Variants in HMGCLL1 observed in about 807,000 individuals in gnomAD.
HMGCLL1 encodes the protein 3-hydroxymethyl-3-methylglutaryl-CoA lyase, cytoplasmic.
Under a neutral mutation model 39.1 loss-of-function variants are expected in HMGCLL1, and 36 were observed. That is an observed-to-expected ratio of 0.92 (90% confidence interval 0.71 to 1.22). The LOEUF is 1.22. Among genes scored for constraint, HMGCLL1 ranks in the 50% most tolerant of loss-of-function variants. The pLI is 0.00. For synonymous variants in HMGCLL1, 149 were observed against 144.0 expected (o/e 1.03, Z -0.25); for missense variants, 451 against 416.5 (o/e 1.08, Z -0.72).
At chr6:55,499,539 T>C (rs770020185) in intron 5 of HMGCLL1, among the ~76,000 whole-genome samples, 8 of 152,038 alleles carry the variant, frequency 5.3e-5, no homozygotes, top group Non-Finnish European at 1.0e-4. Context: ...TGGGGATAAA[T>C]AGTAAGTGAT....
the HMGCLL1 span, among the ~76,000 whole-genome samples, chr6:55,617,517 G>A: frequency 2.6e-5 from 4 of 152,096 alleles, no homozygotes; most frequent in Non-Finnish European, 2.9e-5. Context: ...GTTGTGAGGA[G>A]AGGGCATACA....
At chr6:55,656,557 G>T in the HMGCLL1 span, among the ~76,000 whole-genome samples, 1 of 151,820 alleles carries the variant, frequency 6.6e-6, no homozygotes, top group Non-Finnish European at 1.5e-5. Context: ...CCATCTGCCA[G>T]CCAGATCCAG....
In HMGCLL1 at chr6:55,543,277, T is replaced by G. The variant is rs1342109853; in HGVS notation, c.109-1137A>C. Reference sequence around the variant, plus strand: ...AATATATAATATAATATATCTATATTATATATAATATATTATATATCATAT... The same window carrying G: ...AATATATAATATAATATATCTATATGATATATAATATATTATATATCATAT... On this transcript the variant is annotated intron_variant, in intron 1 of 8. Coordinates refer to ENST00000274901, the MANE Select transcript of HMGCLL1 (RefSeq NM_001042406.2). Among the ~76,000 whole-genome samples the G allele has an allele frequency of 2.7e-4, 5 of 18,196 alleles. 1 individual carries two copies. The highest frequency in any genetic ancestry group is 5.2e-4 in the African/African-American group (3 of 5,792). The allele number at this position is 18,196 out of a possible 152,430, so 11.9% of individuals were successfully genotyped here. A position where few individuals can be genotyped will look rare whatever the true frequency, so the allele number is the denominator to read the frequency against.
chr6:55,577,976 A>G (rs906258172), intron 1 of HMGCLL1, among the ~76,000 whole-genome samples: 2 of 152,314 alleles, frequency 1.3e-5, no homozygotes, highest in Admixed American at 6.5e-5. Context: ...TAAGATTGCA[A>G]TTTCACATAT....
At chr6:55,473,658 GATT>G (rs1765147685) in intron 7 of HMGCLL1, among the ~76,000 whole-genome samples, 1 of 151,228 alleles carries the variant, frequency 6.6e-6, no homozygotes, top group African/African-American at 2.4e-5. Flanking sequence ...TAAAATAAAA[GATT>G]ATATTTTATT....
At chr6:55,654,141 G>C in the HMGCLL1 span, among the ~76,000 whole-genome samples, 3 of 151,814 alleles carry the variant, frequency 2.0e-5, no homozygotes, top group Non-Finnish European at 4.4e-5. Context: ...ACCTTTCAGC[G>C]AAAGCCTACC....
chr6:55,439,306 G>A (rs1271238496), intron 8 of HMGCLL1, 128 bp downstream of exon 8: 2 of 854,842 alleles, frequency 2.3e-6, no homozygotes, highest in East Asian at 5.2e-5. Context: ...TTTTCCCACT[G>A]TGCATTTTAG....
At chr6:55,650,132 TATAC>T in the HMGCLL1 span, among the ~76,000 whole-genome samples, 91 of 50,790 alleles carry the variant, frequency 1.8e-3, no homozygotes, top group East Asian at 4.0e-3. Flanking sequence ...TATATATATA[TATAC>T]ACACACACAC....
At chr6:55,642,941 T>G in the HMGCLL1 span, among the ~76,000 whole-genome samples, 796 of 152,212 alleles carry the variant, frequency 5.2e-3, 8 homozygotes, top group African/African-American at 0.018. Context: ...GGCCTCCAGC[T>G]CCATCCACGT....
At chr6:55,677,901 G>A in the HMGCLL1 span, among the ~76,000 whole-genome samples, 1 of 152,256 alleles carries the variant, frequency 6.6e-6, no homozygotes, top group Admixed American at 6.5e-5. Context: ...CTGCCTCAAT[G>A]TCTATCTGTA....
chr6:55,641,106 AC>A, the HMGCLL1 span, among the ~76,000 whole-genome samples: 1 of 151,842 alleles, frequency 6.6e-6, no homozygotes, highest in Non-Finnish European at 1.5e-5. Context: ...ATTAAAACAT[AC>A]AAATATGATA....
chr6:55,512,423 T>C (rs536235877), intron 5 of HMGCLL1: 1 of 152,158 alleles, frequency 6.6e-6, no homozygotes, highest in African/African-American at 2.4e-5. Flanking sequence ...TTTTTGATTG[T>C]GGTTTTGTAA....
At chr6:55,653,189 CTTTG>C in the HMGCLL1 span, among the ~76,000 whole-genome samples, 4 of 151,972 alleles carry the variant, frequency 2.6e-5, no homozygotes, top group African/African-American at 9.7e-5. Flanking sequence ...CATTCAGCTT[CTTTG>C]TTTCTTTTAT....
At chr6:55,595,519 G>A in the HMGCLL1 span, among the ~76,000 whole-genome samples, 1 of 152,146 alleles carries the variant, frequency 6.6e-6, no homozygotes, top group Non-Finnish European at 1.5e-5. Flanking sequence ...TGGAATCAAG[G>A]TGAAGCTATA....
chr6:55,452,846 T>C (rs3934779), intron 7 of HMGCLL1, among the ~76,000 whole-genome samples: 45,721 of 151,926 alleles, frequency 0.3, 7,241 homozygotes, highest in African/African-American at 0.42. Context: ...AGTTAATGAC[T>C]TGGCAGAGAA....
intron 1 of HMGCLL1, among the ~76,000 whole-genome samples, chr6:55,544,498 T>C (rs1769842826): frequency 6.6e-6 from 1 of 152,150 alleles, no homozygotes; most frequent in Admixed American, 6.6e-5. Context: ...TCAAAAGTTT[T>C]TGTTTGCTTG....
At chr6:55,549,775 T>C (rs78277597) in intron 1 of HMGCLL1, among the ~76,000 whole-genome samples, 1 of 151,938 alleles carries the variant, frequency 6.6e-6, no homozygotes, top group Non-Finnish European at 1.5e-5. Context: ...TACTTTTTTT[T>C]TGTTATGCCA....
intron 1 of HMGCLL1, among the ~76,000 whole-genome samples, chr6:55,548,938 G>C (rs1322250186): frequency 6.6e-6 from 1 of 151,516 alleles, no homozygotes; most frequent in Non-Finnish European, 1.5e-5. Flanking sequence ...ATTTAATAAA[G>C]CATTAAAATA....
chr6:55,666,223 A>C, the HMGCLL1 span, among the ~76,000 whole-genome samples: 1 of 151,794 alleles, frequency 6.6e-6, no homozygotes, highest in African/African-American at 2.4e-5. Context: ...AGCCATGCAA[A>C]TAATTTTATA....
Sources: allele counts gnomAD v4.1 joint callset (sites outside exome capture counted in the v4.1 genomes callset), GRCh38; gene constraint gnomAD v4.1.1; transcripts MANE v1.5; gene names NCBI Gene and HGNC (gene_info 2026-07-23, HGNC 2026-07-21).